DCDC1: variants seen among roughly 807,000 people sequenced by gnomAD.
DCDC1 encodes the protein doublecortin domain containing 1, also known as doublecortin domain-containing protein 1.
A neutral mutation model predicts 178.3 loss-of-function variants in DCDC1; 200 were observed. That is an observed-to-expected ratio of 1.12 (90% CI 1.00 to 1.26). The LOEUF (loss-of-function observed/expected upper bound fraction) is 1.26, where lower values mean the gene tolerates loss of function less well. Among genes scored for constraint, DCDC1 ranks in the 50% most tolerant of loss-of-function variants. DCDC1 has a pLI of 0.00. For synonymous variants in DCDC1, 690 were observed against 604.8 expected (o/e 1.14, Z -2.07); for missense variants, 1,983 against 1,749.2 (o/e 1.13, Z -2.38).
At chr11:30,879,427 A>C (rs1942442514) in intron 37 of DCDC1, among the ~76,000 whole-genome samples, 2 of 152,174 alleles carry the variant, frequency 1.3e-5, no homozygotes, top group African/African-American at 4.8e-5. Flanking sequence ...ACAATAAAAT[A>C]AGTTTCTAAA....
intron 21 of DCDC1, among the ~76,000 whole-genome samples, chr11:30,947,318 C>G (rs992985200): frequency 6.6e-6 from 1 of 152,122 alleles, no homozygotes; most frequent in Non-Finnish European, 1.5e-5. Context: ...TGAAATTGTA[C>G]TACAAAGCTA....
chr11:31,068,348 A>C (rs1172580065), intron 18 of DCDC1, among the ~76,000 whole-genome samples: 1 of 152,212 alleles, frequency 6.6e-6, no homozygotes, highest in Non-Finnish European at 1.5e-5. Context: ...ATGAGCATTA[A>C]ATGTGTAAAA....
chr11:31,037,342 C>T (rs1954108629), intron 20 of DCDC1, among the ~76,000 whole-genome samples: 1 of 152,034 alleles, frequency 6.6e-6, no homozygotes, highest in African/African-American at 2.4e-5. Flanking sequence ...CAGATGTGCC[C>T]ATTAGCAGCT....
At chr11:31,055,246 C>T (rs546417782) in intron 20 of DCDC1, among the ~76,000 whole-genome samples, 43 of 152,270 alleles carry the variant, frequency 2.8e-4, no homozygotes, top group African/African-American at 1.0e-3. Context: ...CTCCACACCA[C>T]TAATGATCAT....
chr11:30,952,750 T>C (rs1948509656), intron 20 of DCDC1, among the ~76,000 whole-genome samples, 182 bp from the exon 21 acceptor site: 1 of 152,112 alleles, frequency 6.6e-6, no homozygotes, highest in Non-Finnish European at 1.5e-5. Flanking sequence ...TAAAAAATAA[T>C]AAATTTTAAA....
intron 21 of DCDC1, among the ~76,000 whole-genome samples, chr11:30,945,952 T>G (rs1948021626): frequency 6.6e-6 from 1 of 152,144 alleles, no homozygotes; most frequent in Non-Finnish European, 1.5e-5. Context: ...GCCTCTTTTT[T>G]TGTTCGTTTT....
chr11:31,323,683 T>C (rs1949496092), intron 3 of DCDC1, among the ~76,000 whole-genome samples: 1 of 152,064 alleles, frequency 6.6e-6, no homozygotes, highest in Admixed American at 6.6e-5. Flanking sequence ...AATTGAAATA[T>C]ATACAAATAA....
intron 20 of DCDC1, among the ~76,000 whole-genome samples, chr11:31,014,700 C>T (rs1952378086): frequency 6.6e-6 from 1 of 152,162 alleles, no homozygotes; most frequent in Admixed American, 6.5e-5. Context: ...TTACCAATCA[C>T]TACCCTAATT....
chr11:31,354,981 C>T (rs1031562243), intron 1 of DCDC1, among the ~76,000 whole-genome samples: 6 of 151,010 alleles, frequency 4.0e-5, no homozygotes, highest in South Asian at 2.2e-4. Context: ...GTTAATTCAA[C>T]TAAGTGGTGT....
At chr11:31,053,232 A>T (rs1174357751) in intron 20 of DCDC1, among the ~76,000 whole-genome samples, 2 of 152,156 alleles carry the variant, frequency 1.3e-5, no homozygotes, top group African/African-American at 4.8e-5. Context: ...AAAACCTACA[A>T]GAGACTTATA....
At chr11:30,916,117 C>A (rs1019064124) in intron 26 of DCDC1, among the ~76,000 whole-genome samples, 5 of 152,202 alleles carry the variant, frequency 3.3e-5, no homozygotes, top group Non-Finnish European at 4.4e-5. Flanking sequence ...TTTCTTTCCT[C>A]TATCTACAGT....
At chr11:31,166,635 T>A (rs544440810) in intron 9 of DCDC1, among the ~76,000 whole-genome samples, 12 of 152,036 alleles carry the variant, frequency 7.9e-5, no homozygotes, top group Non-Finnish European at 1.2e-4. Context: ...ATCATTTTTT[T>A]AAAAAAAGAA....
chr11:30,922,975 A>G (rs1227445754), intron 23 of DCDC1, among the ~76,000 whole-genome samples: 1 of 140,468 alleles, frequency 7.1e-6, no homozygotes, highest in Non-Finnish European at 1.6e-5. Flanking sequence ...GGAAGAAAAG[A>G]GGAAGGGAGT....
At chr11:31,359,007 A>G (rs1438251869) in intron 1 of DCDC1, among the ~76,000 whole-genome samples, 4 of 152,244 alleles carry the variant, frequency 2.6e-5, no homozygotes, top group African/African-American at 9.6e-5. Flanking sequence ...TAGTTCCACC[A>G]TTGTGGGAGT....
At chr11:31,052,141 G>C (rs1329527649) in intron 20 of DCDC1, among the ~76,000 whole-genome samples, 1 of 152,096 alleles carries the variant, frequency 6.6e-6, no homozygotes, top group East Asian at 1.9e-4. Flanking sequence ...TAAACATAAA[G>C]TAAAGGGGTG....
chr11:30,941,517 A>T (rs1173032893), intron 21 of DCDC1, among the ~76,000 whole-genome samples: 1 of 152,042 alleles, frequency 6.6e-6, no homozygotes, highest in Non-Finnish European at 1.5e-5. Context: ...TTTCCTAGAG[A>T]TCTGCTTGTT....
intron 9 of DCDC1, among the ~76,000 whole-genome samples, chr11:31,236,784 G>A (rs1976520169): frequency 6.6e-6 from 1 of 151,882 alleles, no homozygotes; most frequent in South Asian, 2.1e-4. Context: ...AGTATATTAT[G>A]TTTATATATT....
chr11:30,964,762 A>C lies in DCDC1; in HGVS notation c.2592-12194T>G, dbSNP rs559080369. ...TGCATTCAAGAATGTGGTTTCTTCC[A>C]ATGTTAACCACATCTTCACCCTTAA... On this transcript the variant is annotated intron_variant, in intron 20 of 38. Transcript: ENST00000684477. Among the ~76,000 whole-genome samples the C allele has an allele frequency of 5.3e-5, 8 of 152,302 alleles. No individual in the cohort carries two copies. In the South Asian group the frequency reaches 1.7e-3, roughly 32 times the overall value.
intron 21 of DCDC1, 122 bp from the exon 22 acceptor site, chr11:30,932,074 G>T: frequency 2.4e-6 from 2 of 839,280 alleles, no homozygotes; most frequent in South Asian, 3.3e-5. Context: ...AAAATGTATT[G>T]GGGTACCTAA....
Sources: gnomAD v4.1 joint callset for allele counts (sites outside exome capture counted in the v4.1 genomes callset) on GRCh38, gnomAD v4.1.1 for gene constraint, MANE v1.5 for transcripts, NCBI Gene and HGNC (gene_info 2026-07-23, HGNC 2026-07-21) for gene names.